The following ATXN10 variants were observed in gnomAD, a reference collection of about 807,000 sequenced individuals.
ATXN10 encodes ataxin-10.
Under a neutral mutation model 52.9 loss-of-function variants are expected in ATXN10, and 28 were observed. That is an observed-to-expected ratio of 0.53 (90% confidence interval 0.39 to 0.73). The LOEUF (loss-of-function observed/expected upper bound fraction) is 0.73. Ranked by LOEUF, ATXN10 falls within the 30% of genes least tolerant of loss-of-function variation. The pLI, the probability that ATXN10 is intolerant of heterozygous loss-of-function variation, is 0.00. For missense variants in ATXN10, 565 were observed against 577.0 expected, an observed-to-expected ratio of 0.98 and a Z score of 0.21; for synonymous variants, 226 against 221.5, an observed-to-expected ratio of 1.02 and a Z score of -0.18.
chr22:45,747,049 G>C (rs1424596752), intron 9 of ATXN10, among the ~76,000 whole-genome samples: 1 of 152,176 alleles, frequency 6.6e-6, no homozygotes, highest in East Asian at 1.9e-4. Flanking sequence ...TTTTGTCCTT[G>C]CTCCTCCCTT....
intron 3 of ATXN10, 101 bp from the exon 4 acceptor site, chr22:45,700,181 G>T (rs1923785456): frequency 1.0e-5 from 9 of 903,260 alleles, no homozygotes; most frequent in Middle Eastern, 3.5e-4. Flanking sequence ...GAAGCAAGCA[G>T]AAACTTTCTG....
intron 9 of ATXN10, among the ~76,000 whole-genome samples, chr22:45,799,359 C>T (rs1601654108): frequency 6.6e-6 from 1 of 152,286 alleles, no homozygotes; most frequent in South Asian, 2.1e-4. Context: ...TGCTAAACCC[C>T]AATACCTTAC....
intron 3 of ATXN10, among the ~76,000 whole-genome samples, chr22:45,699,769 C>T (rs1923768288): frequency 1.3e-5 from 2 of 151,366 alleles, no homozygotes. Context: ...GCTGGGATTA[C>T]GGGTGTGAGC....
chr22:45,811,014 A>G (rs183030793), intron 10 of ATXN10, among the ~76,000 whole-genome samples: 118 of 152,338 alleles, frequency 7.7e-4, no homozygotes, highest in Middle Eastern at 6.8e-3. Flanking sequence ...ATGTTTATAC[A>G]TACATTAGGT....
At chr22:45,724,656 A>G (rs974571197) in intron 6 of ATXN10, among the ~76,000 whole-genome samples, 2 of 152,218 alleles carry the variant, frequency 1.3e-5, no homozygotes, top group Non-Finnish European at 2.9e-5. Flanking sequence ...CGCTGTGCAG[A>G]TGCATTTTAG....
At chr22:45,680,795 C>G (rs1193470496) in intron 1 of ATXN10, among the ~76,000 whole-genome samples, 1 of 152,116 alleles carries the variant, frequency 6.6e-6, no homozygotes, top group Non-Finnish European at 1.5e-5. Flanking sequence ...GAATCCTCTT[C>G]TGACTCCCCA....
At chr22:45,794,470 CTT>C (rs1190067427) in intron 9 of ATXN10, among the ~76,000 whole-genome samples, 8 of 149,230 alleles carry the variant, frequency 5.4e-5, no homozygotes, top group African/African-American at 1.7e-4. Flanking sequence ...AAGGATGTCT[CTT>C]TTTTCCTTCC....
rs1928060543 is a variant in ATXN10, at chr22:45,805,209, A to C, written c.1174-1750A>C. On this transcript the variant is annotated intron_variant, in intron 9 of 11. Transcript: ENST00000252934. This position sits in a 1 kb window ranked among gnomAD's most constrained non-coding sequence, Gnocchi z 4.4. Reference sequence around the variant, plus strand: ...CTACTACAAAAGACAGACAATAGCAAGTGTTTATGAGATTGTGGAGATGCT... The same window carrying C: ...CTACTACAAAAGACAGACAATAGCACGTGTTTATGAGATTGTGGAGATGCT... Among the ~76,000 whole-genome samples the C allele has an allele frequency of 6.6e-6, 1 of 152,232 alleles. No homozygotes were observed. The highest frequency in any genetic ancestry group is 2.4e-5 in the African/African-American group (1 of 41,472).
intron 7 of ATXN10, among the ~76,000 whole-genome samples, chr22:45,735,335 C>G (rs1396736265): frequency 6.6e-6 from 1 of 151,910 alleles, no homozygotes; most frequent in African/African-American, 2.4e-5. Flanking sequence ...GCCCTGTTCC[C>G]CAGGCTGGAG....
chr22:45,711,357 G>T (rs1486151141), intron 5 of ATXN10, among the ~76,000 whole-genome samples: 2 of 152,158 alleles, frequency 1.3e-5, no homozygotes, highest in East Asian at 3.8e-4. Context: ...ATTAGTGGTT[G>T]TCGGGGATTG....
At chr22:45,697,917 A>C (rs1390209663) in intron 3 of ATXN10, among the ~76,000 whole-genome samples, 1 of 152,208 alleles carries the variant, frequency 6.6e-6, no homozygotes, top group Non-Finnish European at 1.5e-5. Context: ...GGCGTGAGCC[A>C]CCGCTCCTGG....
intron 10 of ATXN10, among the ~76,000 whole-genome samples, chr22:45,815,385 G>A (rs1909830841): frequency 6.6e-6 from 1 of 152,206 alleles, no homozygotes; most frequent in Non-Finnish European, 1.5e-5. Context: ...CAGTCTTCCT[G>A]TGGTGGGGAG....
intron 9 of ATXN10, 55 bp downstream of exon 9, chr22:45,740,593 T>G: frequency 6.4e-7 from 1 of 1,555,230 alleles, no homozygotes; most frequent in Non-Finnish European, 8.9e-7. Flanking sequence ...TAGAATATAG[T>G]CCTTGGAAGA....
At chr22:45,810,099 A>G (rs1174326461) in intron 10 of ATXN10, among the ~76,000 whole-genome samples, 2 of 152,162 alleles carry the variant, frequency 1.3e-5, no homozygotes, top group Non-Finnish European at 2.9e-5. Context: ...GCTTTGGTGT[A>G]CGGAGTGTGT....
chr22:45,714,415 C>G (rs1259927909), intron 5 of ATXN10, among the ~76,000 whole-genome samples: 1 of 152,072 alleles, frequency 6.6e-6, no homozygotes, highest in African/African-American at 2.4e-5. Flanking sequence ...GACAGCGTCT[C>G]TGTCACTCAG....
intron 5 of ATXN10, among the ~76,000 whole-genome samples, chr22:45,706,561 A>G (rs1230602578): frequency 2.0e-5 from 3 of 152,192 alleles, no homozygotes; most frequent in Non-Finnish European, 4.4e-5. Context: ...GGTAGGAACT[A>G]CTTTAGCATC....
At chr22:45,738,463 T>G in intron 7 of ATXN10, 2 of 406,262 alleles carry the variant, frequency 4.9e-6, no homozygotes, top group Non-Finnish European at 4.4e-6. Context: ...GAATAAGAAC[T>G]TTTCTGACTC....
rs924590079 is a variant in ATXN10, at chr22:45,774,594, C to A, written c.1174-32365C>A. ...CCCAACTCTAGGAAATCTTCCATGTCAGGTTCCTGAAAAAGAGAAAGGATG... is the reference window on the plus strand; with the variant it reads ...CCCAACTCTAGGAAATCTTCCATGTAAGGTTCCTGAAAAAGAGAAAGGATG... On this transcript the variant is annotated intron_variant, in intron 9 of 11. Transcript: ENST00000252934. This position sits in a 1 kb window ranked among gnomAD's most constrained non-coding sequence, Gnocchi z 6.2. Among the ~76,000 whole-genome samples the A allele has an allele frequency of 6.6e-6, 1 of 152,226 alleles. No individual in the cohort carries two copies. The highest frequency in any genetic ancestry group is 1.5e-5 in the Non-Finnish European group (1 of 68,044).
Position 45,688,789 on chromosome 22 carries a change from A to T in ATXN10, c.117-923A>T, listed in dbSNP as rs974106300. On this transcript the variant is annotated intron_variant, in intron 1 of 11. Coordinates refer to ENST00000252934, the MANE Select transcript of ATXN10 (RefSeq NM_013236.4). The surrounding 1 kb of genome is among the most constrained non-coding windows in gnomAD (Gnocchi z 4.0). Reference sequence around the variant, plus strand: ...ATTCATATGGTCTGAATCATTTGGCATTTATAGAATCTCTTAAATTGTCCA... The same window carrying T: ...ATTCATATGGTCTGAATCATTTGGCTTTTATAGAATCTCTTAAATTGTCCA... Among the ~76,000 whole-genome samples, 4 of 152,218 alleles carry T rather than the reference A, an allele frequency of 2.6e-5. No homozygotes were observed. Among genetic ancestry groups the T allele is most frequent in the Non-Finnish European group, 4.4e-5 (3 of 68,038 alleles).
Sources: allele counts gnomAD v4.1 joint callset (sites outside exome capture counted in the v4.1 genomes callset), GRCh38; gene constraint gnomAD v4.1.1; non-coding constraint Gnocchi (gnomAD v3.1); transcripts MANE v1.5; gene names NCBI Gene and HGNC (gene_info 2026-07-23, HGNC 2026-07-21).